MIS18A: variants seen among roughly 807,000 people sequenced by gnomAD.
The protein encoded by MIS18A is protein Mis18-alpha.
Under a neutral mutation model 25.0 loss-of-function variants are expected in MIS18A, and 14 were observed. That is an observed-to-expected ratio of 0.56 (90% CI 0.37 to 0.88). The LOEUF (loss-of-function observed/expected upper bound fraction) is 0.88. Among genes scored for constraint, MIS18A ranks in the 40% least tolerant of loss-of-function variants. The pLI is 0.00. For missense variants in MIS18A, 292 were observed against 290.8 expected (o/e 1.00, Z -0.03); for synonymous variants, 134 against 118.6 (o/e 1.13, Z -0.84).
the MIS18A span, among the ~76,000 whole-genome samples, chr21:32,228,718 C>T: frequency 1.3e-5 from 2 of 151,986 alleles, no homozygotes; most frequent in African/African-American, 2.4e-5. Flanking sequence ...TTACACACTA[C>T]AATGAATAAT....
the MIS18A span, among the ~76,000 whole-genome samples, chr21:32,169,897 A>T: frequency 3.3e-5 from 5 of 152,334 alleles, no homozygotes; most frequent in East Asian, 7.7e-4. Context: ...TTGAAGAGCA[A>T]GGAAGAATCT....
downstream of MIS18A, among the ~76,000 whole-genome samples, chr21:32,264,595 G>T (rs529073708): frequency 1.2e-4 from 18 of 152,114 alleles, no homozygotes; most frequent in South Asian, 3.3e-3. Context: ...TACATGATTT[G>T]CCCCTGATCA....
At chr21:32,160,310 AC>A in the MIS18A span, among the ~76,000 whole-genome samples, 1 of 151,184 alleles carries the variant, frequency 6.6e-6, no homozygotes, top group Non-Finnish European at 1.5e-5. Context: ...ACACACACAC[AC>A]ACACACACAC....
chr21:32,240,443 T>C, the MIS18A span, among the ~76,000 whole-genome samples: 2 of 152,240 alleles, frequency 1.3e-5, no homozygotes, highest in African/African-American at 4.8e-5. Context: ...GTTCTTGGAC[T>C]TCCCAGCCTC....
chr21:32,155,267 G>T, the MIS18A span, among the ~76,000 whole-genome samples: 2 of 150,824 alleles, frequency 1.3e-5, no homozygotes, highest in Non-Finnish European at 3.0e-5. Flanking sequence ...CCTCCTTTTT[G>T]ATTTGGAGGG....
At chr21:32,205,288 TA>T in the MIS18A span, among the ~76,000 whole-genome samples, 1 of 151,826 alleles carries the variant, frequency 6.6e-6, no homozygotes, top group African/African-American at 2.4e-5. Context: ...GTATTTTTAG[TA>T]GAGACGGGGT....
downstream of MIS18A, among the ~76,000 whole-genome samples, chr21:32,265,529 C>G (rs1279868594): frequency 2.0e-5 from 3 of 152,238 alleles, no homozygotes; most frequent in African/African-American, 7.2e-5. Context: ...CCCACCGGCG[C>G]TGTGCTGGAT....
chr21:32,173,084 A>G, the MIS18A span, among the ~76,000 whole-genome samples: 1 of 151,326 alleles, frequency 6.6e-6, no homozygotes, highest in African/African-American at 2.4e-5. Flanking sequence ...ACACCAAAGC[A>G]TAACAAAAAA....
At chr21:32,188,393 C>T in the MIS18A span, among the ~76,000 whole-genome samples, 2 of 152,244 alleles carry the variant, frequency 1.3e-5, no homozygotes, top group Non-Finnish European at 2.9e-5. Context: ...ATGACACCTG[C>T]ACACATGGCA....
At chr21:32,191,730 C>T in the MIS18A span, among the ~76,000 whole-genome samples, 1 of 152,134 alleles carries the variant, frequency 6.6e-6, no homozygotes, top group African/African-American at 2.4e-5. Context: ...ACGGTGAAAC[C>T]CTGTCTCTAC....
At chr21:32,264,161 T>C (rs941594723), downstream of MIS18A, among the ~76,000 whole-genome samples, 1 of 152,212 alleles carries the variant, frequency 6.6e-6, no homozygotes, top group Non-Finnish European at 1.5e-5. Flanking sequence ...GAAATATTTT[T>C]AGGAAATATT....
the MIS18A span, among the ~76,000 whole-genome samples, chr21:32,172,677 T>C: frequency 2.6e-5 from 4 of 151,836 alleles, no homozygotes; most frequent in African/African-American, 9.7e-5. Flanking sequence ...AAAACAATCT[T>C]TAAAAAGAAC....
In MIS18A at chr21:32,274,188, C is replaced by G. The variant is rs141959686; in HGVS notation, c.401+642G>C. Among the ~76,000 whole-genome samples the G allele has an allele frequency of 2.8e-3, 402 of 143,906 alleles. 1 individual carries two copies. The highest frequency in any genetic ancestry group is 5.2e-3 in the Non-Finnish European group (344 of 66,206). 94.4% of individuals were successfully genotyped at this position (143,906 alleles called of 152,430 possible). The stretch of plus-strand genomic sequence containing the variant: ...TTGAGATTTTATAATATAGGTATTT[C>G]CTTTTCTTCTTTTTTTTTTTTTTTT... On this transcript the variant is annotated intron_variant, in intron 2 of 4. Coordinates refer to ENST00000290130, the MANE Select transcript of MIS18A (RefSeq NM_018944.3).
chr21:32,160,557 A>G, the MIS18A span, among the ~76,000 whole-genome samples: 1 of 152,126 alleles, frequency 6.6e-6, no homozygotes, highest in Non-Finnish European at 1.5e-5. Context: ...AACATACATA[A>G]GATAAACATT....
At chr21:32,224,103 A>C in the MIS18A span, among the ~76,000 whole-genome samples, 11 of 152,138 alleles carry the variant, frequency 7.2e-5, no homozygotes, top group African/African-American at 2.7e-4. Flanking sequence ...ACTCTCAATA[A>C]ATTAGGTATT....
At chr21:32,184,981 A>T in the MIS18A span, among the ~76,000 whole-genome samples, 1 of 151,932 alleles carries the variant, frequency 6.6e-6, no homozygotes, top group Non-Finnish European at 1.5e-5. Context: ...TTCTCCCAGG[A>T]TATCCACTTC....
chr21:32,242,883 G>A, the MIS18A span, among the ~76,000 whole-genome samples: 1 of 152,168 alleles, frequency 6.6e-6, no homozygotes, highest in Non-Finnish European at 1.5e-5. Flanking sequence ...CCTAACAAGT[G>A]AGTGAACTAT....
the MIS18A span, among the ~76,000 whole-genome samples, chr21:32,231,708 G>T: frequency 0.5 from 75,546 of 151,914 alleles, 20,061 homozygotes; most frequent in African/African-American, 0.69. Context: ...GGTCAGGAGA[G>T]CGAGACCATC....
the MIS18A span, among the ~76,000 whole-genome samples, chr21:32,190,038 C>T: frequency 2.6e-5 from 4 of 152,174 alleles, no homozygotes; most frequent in Admixed American, 2.0e-4. Context: ...AAGGATCCAT[C>T]AGCAAATGTG....
Sources: gnomAD v4.1 joint callset for allele counts (sites outside exome capture counted in the v4.1 genomes callset) on GRCh38, gnomAD v4.1.1 for gene constraint, MANE v1.5 for transcripts, NCBI Gene and HGNC (gene_info 2026-07-23, HGNC 2026-07-21) for gene names.